The following RIN2 variants were observed in gnomAD, a reference collection of about 807,000 sequenced individuals.
RIN2 encodes the protein Ras and Rab interactor 2.
In RIN2, 36 loss-of-function variants were observed where a neutral mutation model predicts 78.0. The observed-to-expected ratio is 0.46, with a 90% CI of 0.35 to 0.61. The LOEUF is 0.61. Ranked by LOEUF, RIN2 falls within the 20% of genes least tolerant of loss-of-function variation. The pLI is 0.00. For missense variants in RIN2, 1,087 were observed against 1,159.7 expected (o/e 0.94, Z 0.91); for synonymous variants, 466 against 466.8 (o/e 1.00, Z 0.02).
chr20:19,800,132 C>T (rs1340858236), intron 2 of RIN2, among the ~76,000 whole-genome samples: 7 of 152,172 alleles, frequency 4.6e-5, no homozygotes, highest in Admixed American at 1.3e-4. Context: ...ACACCACTGC[C>T]GAGTACAAAG....
chr20:19,998,555 G>A (rs891939315), intron 12 of RIN2, among the ~76,000 whole-genome samples: 3 of 152,148 alleles, frequency 2.0e-5, no homozygotes, highest in African/African-American at 7.2e-5. Context: ...AGGCTACAGT[G>A]AGCCATGATC....
chr20:19,853,089 G>A (rs1013355482), intron 2 of RIN2, among the ~76,000 whole-genome samples: 4 of 139,828 alleles, frequency 2.9e-5, no homozygotes, highest in African/African-American at 1.1e-4. Context: ...GTGTCCATGT[G>A]TTCTCATTGT....
chr20:19,831,888 G>A (rs2036261150), intron 2 of RIN2, among the ~76,000 whole-genome samples: 1 of 152,118 alleles, frequency 6.6e-6, no homozygotes, highest in African/African-American at 2.4e-5. Context: ...ATAGGAGATA[G>A]CTACAAAGCA....
intron 2 of RIN2, among the ~76,000 whole-genome samples, chr20:19,829,913 C>T (rs1455668573): frequency 3.3e-5 from 5 of 152,244 alleles, no homozygotes; most frequent in Non-Finnish European, 7.3e-5. Context: ...CCCAACAAAG[C>T]CTTGTGGGAG....
chr20:19,964,271 A>G (rs1171414506), intron 6 of RIN2, among the ~76,000 whole-genome samples: 1 of 150,664 alleles, frequency 6.6e-6, no homozygotes, highest in African/African-American at 2.5e-5. Context: ...AAAAAAAGTG[A>G]GAGAGAGAGA....
intron 2 of RIN2, among the ~76,000 whole-genome samples, chr20:19,807,301 A>G (rs961471574): frequency 6.6e-6 from 1 of 152,230 alleles, no homozygotes; most frequent in Non-Finnish European, 1.5e-5. Flanking sequence ...CTTAAGACCA[A>G]TAAGGCAATC....
rs532524492 is a variant in RIN2 at position 19,826,254 on chromosome 20, TAATA to T, written c.-37+26513_-37+26516del. On this transcript the variant is annotated intron_variant, in intron 2 of 12. Coordinates refer to ENST00000255006, the MANE Select transcript of RIN2 (RefSeq NM_018993.4). ...AACCAGGATTTTAAAAAAATTCTAA[TAATA>T]AATAATTATGAGAATAGCTAGCATT... Among the ~76,000 whole-genome samples, 21 of 151,834 alleles carry T rather than the reference TAATA, an allele frequency of 1.4e-4. No homozygotes were observed. The East Asian group carries it at 3.7e-3, about 26-fold the overall frequency.
chr20:19,870,672 T>C (rs1005751668), intron 2 of RIN2, among the ~76,000 whole-genome samples: 2 of 152,214 alleles, frequency 1.3e-5, no homozygotes, highest in African/African-American at 4.8e-5. Context: ...AAAGAAAAAA[T>C]GGTTCCTCAG....
chr20:19,997,260 C>G (rs1202771557), intron 12 of RIN2, among the ~76,000 whole-genome samples: 1 of 152,196 alleles, frequency 6.6e-6, no homozygotes, highest in Non-Finnish European at 1.5e-5. Flanking sequence ...GCCCACTCTC[C>G]AAAACAGAAG....
intron 1 of RIN2, among the ~76,000 whole-genome samples, chr20:19,762,220 T>G (rs2033667824): frequency 6.6e-6 from 1 of 152,220 alleles, no homozygotes; most frequent in African/African-American, 2.4e-5. Context: ...TCAGGTATTT[T>G]TAAATCAGAG....
At chr20:19,890,870 G>T (rs939611253) in intron 3 of RIN2, among the ~76,000 whole-genome samples, 2 of 152,096 alleles carry the variant, frequency 1.3e-5, no homozygotes, top group Non-Finnish European at 2.9e-5. Flanking sequence ...ATTTTTCAAG[G>T]TGGAGAACTA....
At chr20:19,992,561 A>G (rs934940342) in intron 11 of RIN2, among the ~76,000 whole-genome samples, 1 of 152,194 alleles carries the variant, frequency 6.6e-6, no homozygotes, top group African/African-American at 2.4e-5. Flanking sequence ...ATTTTTTATT[A>G]ATTTAAAAGA....
intron 2 of RIN2, among the ~76,000 whole-genome samples, chr20:19,837,149 C>T (rs1051947783): frequency 7.0e-6 from 1 of 142,914 alleles, no homozygotes; most frequent in African/African-American, 2.7e-5. Flanking sequence ...TAACACTGAA[C>T]ATCACACACC....
intron 3 of RIN2, among the ~76,000 whole-genome samples, chr20:19,906,619 G>A (rs529199561): frequency 6.6e-6 from 1 of 152,248 alleles, no homozygotes; most frequent in African/African-American, 2.4e-5. Flanking sequence ...GGAGTGGTGG[G>A]GTCTGCGGCC....
chr20:19,985,700 C>T (rs1051770016), intron 9 of RIN2, among the ~76,000 whole-genome samples: 1 of 152,108 alleles, frequency 6.6e-6, no homozygotes, highest in Non-Finnish European at 1.5e-5. Context: ...AGTGAGACCC[C>T]CAGCATCTCA....
intron 7 of RIN2, among the ~76,000 whole-genome samples, chr20:19,968,014 G>A (rs985602426): frequency 6.6e-6 from 1 of 152,118 alleles, no homozygotes; most frequent in African/African-American, 2.4e-5. Context: ...CTGCCTTAAT[G>A]CCAAAGCCCG....
intron 11 of RIN2, among the ~76,000 whole-genome samples, chr20:19,994,620 A>G (rs1422288359): frequency 6.6e-6 from 1 of 152,156 alleles, no homozygotes; most frequent in Admixed American, 6.5e-5. Flanking sequence ...TTGAAGTCCA[A>G]AGGAGCCCCC....
In RIN2 at chr20:19,964,102, A is replaced by T. The variant is rs149837162; in HGVS notation, c.464-850A>T. ...TGGTGTCAAACTCCTGACCTCAGGTAATCCACCCACCTTGGCCTCACAAAG... is the reference window on the plus strand; with the variant it reads ...TGGTGTCAAACTCCTGACCTCAGGTTATCCACCCACCTTGGCCTCACAAAG... On this transcript the variant is annotated intron_variant, in intron 6 of 12. Transcript: ENST00000255006. 4.7e-3 allele frequency among the ~76,000 whole-genome samples: 721 copies of T among 152,108 alleles called. 3 individuals are homozygous for T. Among genetic ancestry groups the T allele is most frequent in the African/African-American group, 0.017 (692 of 41,494 alleles).
At chr20:19,814,164 G>A (rs945116488) in intron 2 of RIN2, among the ~76,000 whole-genome samples, 2 of 152,316 alleles carry the variant, frequency 1.3e-5, no homozygotes, top group South Asian at 2.1e-4. Flanking sequence ...GTGTTTACGA[G>A]GTCACACAAT....
Sources: allele counts gnomAD v4.1 joint callset (sites outside exome capture counted in the v4.1 genomes callset), GRCh38; gene constraint gnomAD v4.1.1; transcripts MANE v1.5; gene names NCBI Gene and HGNC (gene_info 2026-07-23, HGNC 2026-07-21).